The following NPEPPS variants were observed in gnomAD, a reference collection of about 807,000 sequenced individuals.
NPEPPS encodes the protein puromycin-sensitive aminopeptidase.
NPEPPS carries 14 observed loss-of-function variants against 115.5 expected under a neutral mutation model. That is an observed-to-expected ratio of 0.12 (90% CI 0.08 to 0.19). NPEPPS has a LOEUF of 0.19. Ranked by LOEUF, NPEPPS falls within the 10% of genes least tolerant of loss-of-function variation. The probability of loss-of-function intolerance (pLI) is 1.00; values close to 1 mark genes in which losing one functional copy is unlikely to be tolerated. For missense variants in NPEPPS, 523 were observed against 1,110.8 expected (o/e 0.47, Z 7.52); for synonymous variants, 285 against 390.6 (o/e 0.73, Z 3.19).
intron 2 of NPEPPS, among the ~76,000 whole-genome samples, chr17:47,559,206 C>T (rs867285978): frequency 6.6e-6 from 1 of 152,122 alleles, no homozygotes; most frequent in Non-Finnish European, 1.5e-5. Flanking sequence ...ACCGTGGTGC[C>T]TGGCTAATTT....
intron 1 of NPEPPS, among the ~76,000 whole-genome samples, chr17:47,541,440 G>A (rs1228505480): frequency 6.6e-6 from 1 of 151,378 alleles, no homozygotes; most frequent in East Asian, 1.9e-4. Context: ...GCAATGGCGC[G>A]ATTTCGGCTC....
At chr17:47,620,688 C>G (rs1333433532) in intron 22 of NPEPPS, among the ~76,000 whole-genome samples, 1 of 152,144 alleles carries the variant, frequency 6.6e-6, no homozygotes, top group Non-Finnish European at 1.5e-5. Context: ...TTATTGATTT[C>G]TAAAAGGTCT....
At chr17:47,571,999 C>T (rs1442205731) in intron 3 of NPEPPS, among the ~76,000 whole-genome samples, 1 of 151,552 alleles carries the variant, frequency 6.6e-6, no homozygotes, top group African/African-American at 2.4e-5. Flanking sequence ...CTACTGGCTC[C>T]ACTTGGCTCC....
chr17:47,540,139 T>G (rs4794287), intron 1 of NPEPPS, among the ~76,000 whole-genome samples: 25,151 of 152,014 alleles, frequency 0.17, 2,701 homozygotes, highest in Admixed American at 0.28. Flanking sequence ...GGCGTCAAGC[T>G]GCCTCTTTGG....
intron 17 of NPEPPS, among the ~76,000 whole-genome samples, chr17:47,610,262 C>G (rs1870772530): frequency 1.3e-5 from 2 of 148,988 alleles, no homozygotes; most frequent in Admixed American, 6.7e-5. Flanking sequence ...ATGGATTTAC[C>G]TATTCTGAAC....
upstream of NPEPPS, among the ~76,000 whole-genome samples, chr17:47,529,732 T>C: frequency 2.9e-5 from 1 of 34,446 alleles, no homozygotes; most frequent in Non-Finnish European, 7.1e-5. Context: ...ATAATTTCAG[T>C]TACATTATAT....
chr17:47,621,666 T>C, intron 22 of NPEPPS, 102 bp from the exon 23 acceptor site: 1 of 1,124,348 alleles, frequency 8.9e-7, no homozygotes, highest in Admixed American at 2.3e-5. Context: ...TGCCTGAAGA[T>C]TATGCATCCT....
intron 16 of NPEPPS, 88 bp downstream of exon 16, chr17:47,604,137 A>T: frequency 7.7e-7 from 1 of 1,293,480 alleles, no homozygotes; most frequent in African/African-American, 1.5e-5. Context: ...TAATTAGAAG[A>T]ATATGGGTCT....
At chr17:47,531,611 C>T (rs1201321828) in intron 1 of NPEPPS, 56 bp downstream of exon 1, 21 of 1,529,166 alleles carry the variant, frequency 1.4e-5, no homozygotes, top group Admixed American at 2.0e-5. Context: ...TAGGCCGCGC[C>T]CGCGGGCTGG....
chr17:47,562,605 AGAGT>A (rs970376507), intron 2 of NPEPPS, among the ~76,000 whole-genome samples: 4 of 109,616 alleles, frequency 3.6e-5, no homozygotes, highest in African/African-American at 1.2e-4. Context: ...TTTTTGATGC[AGAGT>A]GTGTGTGTGT....
intron 8 of NPEPPS, chr17:47,586,607 A>G: frequency 4.9e-6 from 3 of 607,556 alleles, no homozygotes; most frequent in South Asian, 3.2e-5. Context: ...TAAAGTGAGC[A>G]TCTGGCGGTA....
intron 1 of NPEPPS, among the ~76,000 whole-genome samples, chr17:47,543,125 G>A (rs548239066): frequency 2.1e-5 from 3 of 143,956 alleles, no homozygotes; most frequent in South Asian, 2.2e-4. Flanking sequence ...CATCCTGGGC[G>A]AGAGAGCGAG....
intron 9 of NPEPPS, among the ~76,000 whole-genome samples, chr17:47,588,528 C>T (rs1245265241): frequency 6.6e-6 from 1 of 151,410 alleles, no homozygotes; most frequent in East Asian, 1.9e-4. Flanking sequence ...CACGCCACTG[C>T]ACTCCAGCCT....
chr17:47,620,039 C>A, intron 22 of NPEPPS: 1 of 341,196 alleles, frequency 2.9e-6, no homozygotes, highest in Non-Finnish European at 5.5e-6. Flanking sequence ...TCAAGACCAG[C>A]CCGGGCAACA....
At chr17:47,591,359 A>C (rs1291200785) in intron 10 of NPEPPS, among the ~76,000 whole-genome samples, 2 of 152,304 alleles carry the variant, frequency 1.3e-5, no homozygotes, top group Non-Finnish European at 2.9e-5. Flanking sequence ...CAACAAGAGC[A>C]AAAAACTCTG....
intron 2 of NPEPPS, among the ~76,000 whole-genome samples, chr17:47,552,392 A>G (rs1216417472): frequency 6.6e-6 from 1 of 152,234 alleles, no homozygotes; most frequent in Non-Finnish European, 1.5e-5. Flanking sequence ...TGTCAGCATT[A>G]GAAGGAGCAA....
chr17:47,619,564 A>G, intron 21 of NPEPPS, 173 bp from the exon 22 acceptor site: 1 of 624,220 alleles, frequency 1.6e-6, no homozygotes, highest in Non-Finnish European at 2.8e-6. Flanking sequence ...CAAAAAAAAA[A>G]AAGTTTCCTT....
At chr17:47,604,487 A>ATATT (rs1367605190) in intron 16 of NPEPPS, among the ~76,000 whole-genome samples, 1 of 152,204 alleles carries the variant, frequency 6.6e-6, no homozygotes, top group Admixed American at 6.5e-5. Flanking sequence ...AATTATATTT[A>ATATT]TATTTGGCTT....
chr17:47,541,537 C>T (rs1156458165), intron 1 of NPEPPS, among the ~76,000 whole-genome samples: 2 of 152,076 alleles, frequency 1.3e-5, no homozygotes, highest in African/African-American at 4.8e-5. Flanking sequence ...CCACCACGCC[C>T]AGCTAATCTT....
Sources: allele counts gnomAD v4.1 joint callset (sites outside exome capture counted in the v4.1 genomes callset), GRCh38; gene constraint gnomAD v4.1.1; transcripts MANE v1.5; gene names NCBI Gene and HGNC (gene_info 2026-07-23, HGNC 2026-07-21).